ULK4: variants seen among roughly 807,000 people sequenced by gnomAD.
ULK4 encodes the protein unc-51 like kinase 4.
A neutral mutation model predicts 160.6 loss-of-function variants in ULK4; 133 were observed. The observed-to-expected ratio is 0.83, with a 90% CI of 0.72 to 0.96. The LOEUF is 0.96. Among genes scored for constraint, ULK4 ranks in the 40% least tolerant of loss-of-function variants. The pLI is 0.00. For missense variants in ULK4, 1,580 were observed against 1,499.5 expected, an observed-to-expected ratio of 1.05 and a Z score of -0.89; for synonymous variants, 534 against 539.8, an observed-to-expected ratio of 0.99 and a Z score of 0.15.
At chr3:41,433,142 T>C (rs902037720) in intron 34 of ULK4, among the ~76,000 whole-genome samples, 4 of 152,062 alleles carry the variant, frequency 2.6e-5, no homozygotes, top group African/African-American at 4.8e-5. Flanking sequence ...TACGAATCAA[T>C]GAAAGAGGTA....
chr3:41,538,190 T>C lies in ULK4; in HGVS notation c.3226+27835A>G, dbSNP rs2086575098. On this transcript the variant is annotated intron_variant, in intron 32 of 36. Transcript: ENST00000301831. ...GCTTTAATCAGTCATATAATGACTT[T>C]GCTTTTTCTATAATCATATTAGAGT... Among the ~76,000 whole-genome samples, 6 of 152,190 alleles carry C rather than the reference T, an allele frequency of 3.9e-5. No homozygotes were observed. The South Asian group carries it at 1.2e-3, about 32-fold the overall frequency.
intron 21 of ULK4, among the ~76,000 whole-genome samples, chr3:41,784,461 G>A (rs116333066): frequency 0.015 from 2,262 of 152,212 alleles, 51 homozygotes; most frequent in African/African-American, 0.051. Flanking sequence ...TAAGTGTTTA[G>A]GGGGAAAAAT....
intron 1 of ULK4, among the ~76,000 whole-genome samples, chr3:41,955,275 G>A (rs999254506): frequency 1.4e-4 from 21 of 152,228 alleles, no homozygotes; most frequent in African/African-American, 5.1e-4. Flanking sequence ...GGGCGACAAG[G>A]AGAGACTCCA....
intron 32 of ULK4, among the ~76,000 whole-genome samples, chr3:41,497,513 A>G (rs2085037442): frequency 6.6e-6 from 1 of 152,162 alleles, no homozygotes; most frequent in South Asian, 2.1e-4. Context: ...AAATTTGGCA[A>G]AACAAAATGT....
At chr3:41,864,485 T>C (rs2042573717) in intron 17 of ULK4, among the ~76,000 whole-genome samples, 1 of 152,108 alleles carries the variant, frequency 6.6e-6, no homozygotes, top group Non-Finnish European at 1.5e-5. Flanking sequence ...ACTGTGTAGA[T>C]ACTTGTTAAT....
chr3:41,744,738 C>A (rs911636131), intron 22 of ULK4, among the ~76,000 whole-genome samples: 15 of 151,678 alleles, frequency 9.9e-5, no homozygotes, highest in Non-Finnish European at 2.1e-4. Flanking sequence ...TAAAGAACAT[C>A]CCCAACAAGC....
At chr3:41,523,198 T>C (rs1250447722) in intron 32 of ULK4, among the ~76,000 whole-genome samples, 1 of 152,184 alleles carries the variant, frequency 6.6e-6, no homozygotes, top group Non-Finnish European at 1.5e-5. Context: ...CATGAGCCAC[T>C]GTGCCCAGCC....
At position 41,247,052 on chromosome 3, in the gene ULK4, C is replaced by G. The variant is rs902415646; in HGVS notation, c.3765-60G>C. On this transcript the variant is annotated intron_variant, in intron 36 of 36. Coordinates refer to ENST00000301831, the MANE Select transcript of ULK4 (RefSeq NM_017886.4). ...GCATCTCTAAGGTAAAGTGCTCCCC[C>G]CTTTCAAAGGGGCCAGCCTCTTTTG... 5.2e-6 allele frequency: 8 copies of G among 1,541,528 alleles called. No homozygotes were observed. In the African/African-American group the frequency reaches 5.4e-5, roughly 11 times the overall value.
Position 41,506,767 on chromosome 3 carries a change from A to AAAAAAAAAAAAAAAAAAAAAATATAT in ULK4, c.3227-43515_3227-43514insATATATTTTTTTTTTTTTTTTTTTTT. ...AGCAATACACTGGAGTGTGATTTAA[A>AAAAAAAAAAAAAAAAAAAAAATATAT]ATATATATATATATATATATATATA... is the stretch of plus-strand genomic sequence containing the variant. On this transcript the variant is annotated intron_variant, in intron 32 of 36. Coordinates refer to ENST00000301831, the MANE Select transcript of ULK4 (RefSeq NM_017886.4). Among the ~76,000 whole-genome samples, 33 of 56,792 alleles carry AAAAAAAAAAAAAAAAAAAAAATATAT rather than the reference A, an allele frequency of 5.8e-4. 3 individuals carry two copies. Among genetic ancestry groups the AAAAAAAAAAAAAAAAAAAAAATATAT allele is most frequent in the Non-Finnish European group, 7.8e-4 (25 of 31,984 alleles). 37.3% of individuals were successfully genotyped at this position (56,792 alleles called of 152,430 possible).
At chr3:41,292,504 G>A (rs538953285) in intron 35 of ULK4, among the ~76,000 whole-genome samples, 73 of 152,278 alleles carry the variant, frequency 4.8e-4, no homozygotes, top group African/African-American at 1.7e-3. Flanking sequence ...AAATTAGCTG[G>A]GTGTGGTGGC....
chr3:41,669,986 A>T (rs924922635), intron 29 of ULK4, among the ~76,000 whole-genome samples: 1 of 152,234 alleles, frequency 6.6e-6, no homozygotes, highest in Non-Finnish European at 1.5e-5. Flanking sequence ...GGCAAGAAGC[A>T]AAACCTGAGA....
At chr3:41,643,220 C>G (rs949468723) in intron 30 of ULK4, among the ~76,000 whole-genome samples, 4 of 152,120 alleles carry the variant, frequency 2.6e-5, no homozygotes, top group African/African-American at 9.7e-5. Flanking sequence ...TCAATTTTGG[C>G]TTTTGTTGCC....
intron 15 of ULK4, 44 bp downstream of exon 15, chr3:41,896,778 A>G (rs769020175): frequency 6.5e-7 from 1 of 1,543,520 alleles, no homozygotes; most frequent in African/African-American, 1.4e-5. Context: ...GAGCCTCTAT[A>G]AAAACACAAA....
chr3:41,808,654 G>A (rs73077361), intron 19 of ULK4, among the ~76,000 whole-genome samples: 18,853 of 152,262 alleles, frequency 0.12, 1,348 homozygotes, highest in Middle Eastern at 0.27. Context: ...ATGAAGAGCT[G>A]TGCTATGTTT....
intron 23 of ULK4, among the ~76,000 whole-genome samples, chr3:41,716,081 T>C (rs1186344587): frequency 1.3e-5 from 2 of 151,158 alleles, no homozygotes; most frequent in African/African-American, 4.9e-5. Context: ...GGCATGATGG[T>C]GTGCGCCTGT....
chr3:41,750,446 T>C (rs1209231659), intron 22 of ULK4, among the ~76,000 whole-genome samples: 5 of 152,184 alleles, frequency 3.3e-5, no homozygotes, highest in African/African-American at 4.8e-5. Flanking sequence ...GCACTTGGCA[T>C]GTGAGATCTC....
At chr3:41,370,929 G>A (rs2081352185) in intron 35 of ULK4, among the ~76,000 whole-genome samples, 1 of 152,210 alleles carries the variant, frequency 6.6e-6, no homozygotes. Flanking sequence ...GCAATCTGAA[G>A]CTGATCCTGG....
intron 35 of ULK4, among the ~76,000 whole-genome samples, chr3:41,306,091 CGTCTCCG>C (rs1276403772): frequency 6.8e-6 from 1 of 146,494 alleles, no homozygotes; most frequent in Non-Finnish European, 1.5e-5. Context: ...AAGTGAGGAG[CGTCTCCG>C]CCCGGCCGCC....
At chr3:41,904,533 ACTC>A (rs1559640609) in intron 12 of ULK4, among the ~76,000 whole-genome samples, 1 of 152,156 alleles carries the variant, frequency 6.6e-6, no homozygotes, top group African/African-American at 2.4e-5. Context: ...ATGATTATAT[ACTC>A]TTCTTTATAA....
Sources: gnomAD v4.1 joint callset for allele counts (sites outside exome capture counted in the v4.1 genomes callset) on GRCh38, gnomAD v4.1.1 for gene constraint, MANE v1.5 for transcripts, NCBI Gene and HGNC (gene_info 2026-07-23, HGNC 2026-07-21) for gene names.